ACSM1: variants seen among roughly 807,000 people sequenced by gnomAD.
The protein encoded by ACSM1 is acyl-CoA synthetase medium chain family member 1, also known as acyl-coenzyme A synthetase ACSM1, mitochondrial.
ACSM1 carries 79 observed loss-of-function variants against 75.8 expected under a neutral mutation model. The observed-to-expected ratio is 1.04, with a 90% confidence interval of 0.87 to 1.26. ACSM1 has a LOEUF of 1.26. Among genes scored for constraint, ACSM1 ranks in the 50% most tolerant of loss-of-function variants. ACSM1 has a pLI of 0.00. For synonymous variants in ACSM1, 279 were observed against 265.8 expected, an observed-to-expected ratio of 1.05 and a Z score of -0.48; for missense variants, 676 against 720.1, an observed-to-expected ratio of 0.94 and a Z score of 0.70.
intron 7 of ACSM1, among the ~76,000 whole-genome samples, chr16:20,653,333 A>T (rs2018758276): frequency 6.6e-6 from 1 of 152,206 alleles, no homozygotes; most frequent in African/African-American, 2.4e-5. Flanking sequence ...ATTCCCTTTG[A>T]AAACTGGCAC....
At chr16:20,657,176 G>GT (rs1438953027) in intron 7 of ACSM1, among the ~76,000 whole-genome samples, 4 of 152,114 alleles carry the variant, frequency 2.6e-5, no homozygotes, top group Non-Finnish European at 5.9e-5. Flanking sequence ...GCTAATTGCT[G>GT]TAAGTATGTA....
chr16:20,629,731 C>T (rs1376673901), intron 10 of ACSM1, among the ~76,000 whole-genome samples: 1 of 152,180 alleles, frequency 6.6e-6, no homozygotes, highest in Non-Finnish European at 1.5e-5. Flanking sequence ...TGGTGGCTCA[C>T]AACTGTAATC....
rs2017005949 is a variant in ACSM1, at chr16:20,627,377, C to A, written c.1300-61G>T. 1.2e-5 allele frequency: 18 copies of A among 1,490,094 alleles called. No individual in the cohort carries two copies. The South Asian group carries it at 1.6e-4, about 13-fold the overall frequency. 92.3% of individuals were successfully genotyped at this position (1,490,094 alleles called of 1,614,324 possible). A position where few individuals can be genotyped will look rare whatever the true frequency, so the allele number is the denominator to read the frequency against. On this transcript the variant is annotated intron_variant, in intron 10 of 13. Coordinates refer to ENST00000520010, the MANE Select transcript of ACSM1 (RefSeq NM_001318890.3). ...TGAATTTAGAGGTGATGAGCCACAA[C>A]CTTGGGTTCCAATCTGGGTTTGAAT...
chr16:20,623,954 CAT>C lies in ACSM1; in HGVS notation c.1647+140_1647+141del. 3.1e-6 allele frequency: 4 copies of C among 1,271,604 alleles called. No homozygotes were observed. In the South Asian group the frequency reaches 5.5e-5, roughly 17 times the overall value. 78.8% of individuals were successfully genotyped at this position (1,271,604 alleles called of 1,614,324 possible). Reference sequence around the variant, plus strand: ...CAGGGCCAAGGAGAGCCATGGAGGACATGAGGCATGAGCAGAAAAAGAGCCTT... The same window carrying C: ...CAGGGCCAAGGAGAGCCATGGAGGACGAGGCATGAGCAGAAAAAGAGCCTT... On this transcript the variant is annotated intron_variant, in intron 13 of 13. Transcript: ENST00000520010.
intron 4 of ACSM1, among the ~76,000 whole-genome samples, chr16:20,675,276 A>C (rs1047938208): frequency 1.3e-5 from 2 of 152,126 alleles, no homozygotes; most frequent in African/African-American, 4.8e-5. Context: ...AAAGTGTGTG[A>C]AAGAGACGGT....
intron 7 of ACSM1, among the ~76,000 whole-genome samples, chr16:20,644,706 G>A (rs149293363): frequency 4.0e-4 from 61 of 152,316 alleles, no homozygotes; most frequent in Non-Finnish European, 6.0e-4. Context: ...ACAAAGCCAG[G>A]AAGGAACCAT....
intron 2 of ACSM1, among the ~76,000 whole-genome samples, chr16:20,688,071 CA>C (rs1381308743): frequency 7.1e-6 from 1 of 140,082 alleles, no homozygotes; most frequent in East Asian, 2.1e-4. Context: ...GGAGACTAAG[CA>C]AAACTCTGTC....
intron 4 of ACSM1, among the ~76,000 whole-genome samples, chr16:20,677,001 C>T (rs760164169): frequency 6.6e-6 from 1 of 151,998 alleles, no homozygotes; most frequent in Non-Finnish European, 1.5e-5. Flanking sequence ...AGTATTTAAG[C>T]CTTTATATAA....
Position 20,624,168 on chromosome 16 carries a change from G to A in ACSM1, c.1575C>T (p.Asp525=), listed in dbSNP as rs1405909240. ...IVLTPQFLSH[D]KDQLTKELQQ... ...GCAGTTCCTTGGTCAGCTGATCCTT[G>A]TCATGGGACAGGAACTGTGGGGTCA... Residue 525 remains aspartate (D), a synonymous_variant, in exon 13 of 14, where the codon GAC becomes GAT. Coordinates refer to ENST00000520010, the MANE Select transcript of ACSM1 (RefSeq NM_001318890.3). 3 of 1,613,178 alleles carry A rather than the reference G, an allele frequency of 1.9e-6. No homozygotes were observed. In the African/African-American group the frequency reaches 4.0e-5, roughly 22 times the overall value.
chr16:20,634,927 T>C (rs1435878613), intron 10 of ACSM1, among the ~76,000 whole-genome samples: 2 of 152,188 alleles, frequency 1.3e-5, no homozygotes, highest in Non-Finnish European at 2.9e-5. Flanking sequence ...TGGTAGTAAG[T>C]AGCCTTAGAA....
intron 6 of ACSM1, among the ~76,000 whole-genome samples, chr16:20,665,030 T>A (rs1019050613): frequency 1.3e-5 from 2 of 152,094 alleles, no homozygotes; most frequent in African/African-American, 2.4e-5. Flanking sequence ...ACTAAATGCC[T>A]TCATTAAGAA....
At position 20,648,627 on chromosome 16, in the gene ACSM1, C is replaced by T. The variant is rs1436184853; in HGVS notation, c.993-8043G>A. Among the ~76,000 whole-genome samples, 1 of 152,126 alleles carries T rather than the reference C, an allele frequency of 6.6e-6. No individual in the cohort carries two copies. Among genetic ancestry groups the T allele is most frequent in the African/African-American group, 2.4e-5 (1 of 41,418 alleles). On this transcript the variant is annotated intron_variant, in intron 7 of 13. Coordinates refer to ENST00000520010, the MANE Select transcript of ACSM1 (RefSeq NM_001318890.3). This position sits in a 1 kb window ranked among gnomAD's most constrained non-coding sequence, Gnocchi z 4.2. Reference sequence around the variant, plus strand: ...TAATTTATTATCTCTGAAGCCTGCACCTGGAAGCTTCATCTGCATAATAAA... The same window carrying T: ...TAATTTATTATCTCTGAAGCCTGCATCTGGAAGCTTCATCTGCATAATAAA...
At chr16:20,651,501 T>A (rs2018644621) in intron 7 of ACSM1, among the ~76,000 whole-genome samples, 1 of 152,098 alleles carries the variant, frequency 6.6e-6, no homozygotes. Context: ...TGGTGGCACA[T>A]GCCTGCAATC....
At chr16:20,665,197 A>G (rs764776499) in intron 6 of ACSM1, among the ~76,000 whole-genome samples, 2 of 152,156 alleles carry the variant, frequency 1.3e-5, no homozygotes, top group Non-Finnish European at 2.9e-5. Flanking sequence ...CAAAATATCA[A>G]TGAAACTGAG....
chr16:20,636,135 T>C (rs889505061), intron 10 of ACSM1, among the ~76,000 whole-genome samples: 1 of 152,146 alleles, frequency 6.6e-6, no homozygotes, highest in Admixed American at 6.5e-5. Flanking sequence ...TGAAATCAAT[T>C]TCAGGGTCTG....
At chr16:20,685,847 C>CAA (rs1491230287) in intron 2 of ACSM1, among the ~76,000 whole-genome samples, 8 of 91,074 alleles carry the variant, frequency 8.8e-5, no homozygotes, top group East Asian at 6.5e-4. Context: ...AAAAAAAAAA[C>CAA]AAAAAACTTA....
intron 8 of ACSM1, 24 bp from the exon 9 acceptor site, chr16:20,637,475 T>G: frequency 6.2e-7 from 1 of 1,606,602 alleles, no homozygotes; most frequent in Non-Finnish European, 8.5e-7. Context: ...AAAGAAGATT[T>G]GGGTTGATCA....
At chr16:20,684,520 G>C (rs568691951) in intron 3 of ACSM1, among the ~76,000 whole-genome samples, 13 of 152,302 alleles carry the variant, frequency 8.5e-5, no homozygotes, top group Admixed American at 3.3e-4. Flanking sequence ...CCTGCCTAAC[G>C]TGTCTAATCT....
At chr16:20,627,569 G>C (rs936134143) in intron 10 of ACSM1, among the ~76,000 whole-genome samples, 1 of 152,024 alleles carries the variant, frequency 6.6e-6, no homozygotes, top group East Asian at 1.9e-4. Flanking sequence ...GGTGGCTCAC[G>C]CCTGTAATCC....
Sources: gnomAD v4.1 joint callset for allele counts (sites outside exome capture counted in the v4.1 genomes callset) on GRCh38, gnomAD v4.1.1 for gene constraint, Gnocchi (gnomAD v3.1) non-coding constraint, MANE v1.5 for transcripts, NCBI Gene and HGNC (gene_info 2026-07-23, HGNC 2026-07-21) for gene names.